ZNF362: variants seen among roughly 807,000 people sequenced by gnomAD.
The protein encoded by ZNF362 is zinc finger protein 362, also known as rotund homolog.
A neutral mutation model predicts 42.9 loss-of-function variants in ZNF362; 11 were observed. The ratio of observed to expected loss-of-function variants is 0.26; its 90% CI spans 0.16 to 0.42. The LOEUF (loss-of-function observed/expected upper bound fraction) is 0.42. ZNF362 is among the 20% of genes least tolerant of loss of function. The pLI, the probability that ZNF362 is intolerant of heterozygous loss-of-function variation, is 1.00. For synonymous variants in ZNF362, 255 were observed against 257.3 expected, an observed-to-expected ratio of 0.99 and a Z score of 0.09; for missense variants, 362 against 576.2, an observed-to-expected ratio of 0.63 and a Z score of 3.81.
intron 6 of ZNF362, among the ~76,000 whole-genome samples, chr1:33,290,163 T>C (rs1646066253): frequency 6.6e-6 from 1 of 152,210 alleles, no homozygotes; most frequent in South Asian, 2.1e-4. Flanking sequence ...GTTACATATG[T>C]ATACATGTGC....
intron 2 of ZNF362, chr1:33,274,808 G>A (rs552710440): frequency 2.8e-6 from 1 of 362,506 alleles, no homozygotes; most frequent in South Asian, 1.1e-4. Context: ...CCTTGGACAG[G>A]TCTCCTCCTT....
the ZNF362 span, among the ~76,000 whole-genome samples, chr1:33,235,117 C>T: frequency 1.3e-5 from 2 of 152,094 alleles, no homozygotes; most frequent in African/African-American, 2.4e-5. Flanking sequence ...CTGTCTGTAC[C>T]TTAGGACACT....
intron 6 of ZNF362, among the ~76,000 whole-genome samples, chr1:33,284,144 G>A (rs563819565): frequency 5.9e-5 from 9 of 152,298 alleles, no homozygotes; most frequent in South Asian, 2.1e-4. Flanking sequence ...GAGAATCTTC[G>A]TTTGTCAGTG....
chr1:33,151,963 G>T, the ZNF362 span, among the ~76,000 whole-genome samples: 1 of 152,232 alleles, frequency 6.6e-6, no homozygotes, highest in Non-Finnish European at 1.5e-5. Context: ...AACATGAAAG[G>T]CTGGCTGTAA....
At chr1:33,218,373 C>T in the ZNF362 span, among the ~76,000 whole-genome samples, 13 of 152,230 alleles carry the variant, frequency 8.5e-5, no homozygotes, top group South Asian at 2.1e-4. Context: ...CCCTGGAGGT[C>T]GAGGCTGCAG....
intron 8 of ZNF362, among the ~76,000 whole-genome samples, chr1:33,297,457 T>C (rs1026322393): frequency 6.6e-6 from 1 of 152,036 alleles, no homozygotes; most frequent in Non-Finnish European, 1.5e-5. Context: ...CCGTTCAGCA[T>C]TGACATTTTC....
intron 6 of ZNF362, among the ~76,000 whole-genome samples, chr1:33,283,308 T>C (rs1646010100): frequency 6.6e-6 from 1 of 152,184 alleles, no homozygotes; most frequent in Non-Finnish European, 1.5e-5. Flanking sequence ...TTGTCATTTA[T>C]TCGTTTATCT....
At position 33,295,321 on chromosome 1, in the gene ZNF362, C is replaced by A; in HGVS notation, c.1146+16C>A. The A allele has an allele frequency of 6.2e-7, 1 of 1,611,632 alleles. No homozygotes were observed. Among genetic ancestry groups the A allele is most frequent in the Non-Finnish European group, 8.5e-7 (1 of 1,178,742 alleles). On this transcript the variant is annotated intron_variant, in intron 8 of 8. Transcript: ENST00000539719. ...CTACACCTCGGTGAGTGCCGGTCGG[C>A]CTGTGCCCTGCCCCGGGGGAGCCAC...
chr1:33,136,994 C>G, the ZNF362 span, among the ~76,000 whole-genome samples: 1 of 148,648 alleles, frequency 6.7e-6, no homozygotes, highest in African/African-American at 2.5e-5. Context: ...AAGACTCAGT[C>G]TCCAAAAAAA....
chr1:33,232,481 C>T, the ZNF362 span, among the ~76,000 whole-genome samples: 1 of 152,168 alleles, frequency 6.6e-6, no homozygotes, highest in South Asian at 2.1e-4. Context: ...CAAGGCTGGT[C>T]TCAAACTCCT....
intron 8 of ZNF362, 41 bp from the exon 9 acceptor site, chr1:33,298,889 T>C (rs1428862794): frequency 6.4e-7 from 1 of 1,563,068 alleles, no homozygotes; most frequent in Non-Finnish European, 8.8e-7. Context: ...CTCCCTCCCT[T>C]GCTGGTGGTT....
the ZNF362 span, among the ~76,000 whole-genome samples, chr1:33,212,778 A>G: frequency 9.1e-3 from 1,380 of 152,244 alleles, 22 homozygotes; most frequent in African/African-American, 0.031. Flanking sequence ...TGATCCAAAC[A>G]TCTCTGACCT....
At chr1:33,256,175 C>T (rs1000950743), upstream of ZNF362, among the ~76,000 whole-genome samples, 1 of 142,942 alleles carries the variant, frequency 7.0e-6, no homozygotes, top group Non-Finnish European at 1.5e-5. Context: ...CAGGCGGTGG[C>T]GGCGGCGGCG....
At chr1:33,130,025 A>G in the ZNF362 span, among the ~76,000 whole-genome samples, 2 of 151,842 alleles carry the variant, frequency 1.3e-5, no homozygotes, top group Non-Finnish European at 2.9e-5. Flanking sequence ...ATGCCTGGCT[A>G]ATTTTGTATT....
the ZNF362 span, among the ~76,000 whole-genome samples, chr1:33,215,199 G>T: frequency 0.055 from 8,404 of 152,154 alleles, 451 homozygotes; most frequent in African/African-American, 0.13. Context: ...GCAACAACAT[G>T]GATGGAACTG....
At chr1:33,223,176 A>G in the ZNF362 span, among the ~76,000 whole-genome samples, 3 of 152,088 alleles carry the variant, frequency 2.0e-5, no homozygotes, top group African/African-American at 7.2e-5. Flanking sequence ...ACTTGAACCC[A>G]GGAAGCAGAG....
At chr1:33,180,778 T>C in the ZNF362 span, among the ~76,000 whole-genome samples, 1 of 151,818 alleles carries the variant, frequency 6.6e-6, no homozygotes, top group Non-Finnish European at 1.5e-5. Flanking sequence ...CAGCCGGTAC[T>C]CCAGGTCTGT....
At chr1:33,225,957 A>C in the ZNF362 span, among the ~76,000 whole-genome samples, 1 of 152,136 alleles carries the variant, frequency 6.6e-6, no homozygotes, top group Non-Finnish European at 1.5e-5. Flanking sequence ...CTCATTGACC[A>C]GTAATGCATC....
the ZNF362 span, chr1:33,160,078 C>T: frequency 1.7e-6 from 2 of 1,154,088 alleles, no homozygotes; most frequent in Admixed American, 5.0e-5. Context: ...GGGGAAATGT[C>T]ACATGCAAAA....
Sources: gnomAD v4.1 joint callset for allele counts (sites outside exome capture counted in the v4.1 genomes callset) on GRCh38, gnomAD v4.1.1 for gene constraint, MANE v1.5 for transcripts, NCBI Gene and HGNC (gene_info 2026-07-23, HGNC 2026-07-21) for gene names.